CCDC60: variants seen among roughly 807,000 people sequenced by gnomAD.
The protein encoded by CCDC60 is coiled-coil domain containing 60, also known as coiled-coil domain-containing protein 60.
In CCDC60, 54 loss-of-function variants were observed where a neutral mutation model predicts 63.5. The ratio of observed to expected loss-of-function variants is 0.85; its 90% confidence interval spans 0.68 to 1.07. CCDC60 has a LOEUF of 1.07. Among genes scored for constraint, CCDC60 ranks in the 50% least tolerant of loss-of-function variants. The pLI, the probability that CCDC60 is intolerant of heterozygous loss-of-function variation, is 0.00. For synonymous variants in CCDC60, 206 were observed against 238.8 expected (o/e 0.86, Z 1.27); for missense variants, 651 against 684.3 (o/e 0.95, Z 0.54).
chr12:119,533,784 GTTTTGGTAC>G (rs1442642969), intron 13 of CCDC60, among the ~76,000 whole-genome samples: 11 of 152,172 alleles, frequency 7.2e-5, no homozygotes, highest in African/African-American at 2.7e-4. Flanking sequence ...CTATAAGTCT[GTTTTGGTAC>G]CAGTACCATG....
Position 119,335,068 on chromosome 12 carries a change from GATCAGGGAGAAGTTGCCGA to G in CCDC60, c.-107_-89del, listed in dbSNP as rs1955456368. 3 of 805,666 alleles carry G rather than the reference GATCAGGGAGAAGTTGCCGA, an allele frequency of 3.7e-6. No homozygotes were observed. The East Asian group carries it at 7.7e-5, about 21-fold the overall frequency. The allele number at this position is 805,666 out of a possible 1,614,324, so 49.9% of individuals were successfully genotyped here. On this transcript the variant is annotated 5_prime_UTR_variant, in exon 1 of 14. Coordinates refer to ENST00000327554, the MANE Select transcript of CCDC60 (RefSeq NM_178499.5). ...GGAGTTCGTGTAATTGGGACTTGGG[GATCAGGGAGAAGTTGCCGA>G]AACTTCTCATACCAGTAACTACTGA...
At chr12:119,491,335 GT>G (rs1566039379) in intron 5 of CCDC60, among the ~76,000 whole-genome samples, 1 of 151,962 alleles carries the variant, frequency 6.6e-6, no homozygotes, top group Admixed American at 6.6e-5. Flanking sequence ...GTTTGTTTTT[GT>G]TTTTGTTTTT....
chr12:119,336,843 T>C (rs1022386565), intron 1 of CCDC60, among the ~76,000 whole-genome samples: 8 of 152,224 alleles, frequency 5.3e-5, no homozygotes, highest in Non-Finnish European at 1.0e-4. Flanking sequence ...ACTGAATGAC[T>C]GGAGTTAATG....
Position 119,519,465 on chromosome 12 carries a change from A to T in CCDC60, c.969-656A>T, listed in dbSNP as rs12822068. On this transcript the variant is annotated intron_variant, in intron 8 of 13. Coordinates refer to ENST00000327554, the MANE Select transcript of CCDC60 (RefSeq NM_178499.5). Reference sequence around the variant, plus strand: ...TGTGTGTGTGTGTATATATATATATATATTTTTTTTTTTTTTTGACAGAGT... The same window carrying T: ...TGTGTGTGTGTGTATATATATATATTTATTTTTTTTTTTTTTTGACAGAGT... Among the ~76,000 whole-genome samples, 248 of 122,252 alleles carry T rather than the reference A, an allele frequency of 2.0e-3. 1 individual carries two copies. Among genetic ancestry groups the T allele is most frequent in the African/African-American group, 5.7e-3 (166 of 29,290 alleles). 80.2% of individuals were successfully genotyped at this position (122,252 alleles called of 152,430 possible).
rs144740799 is a variant in CCDC60 at position 119,472,023 on chromosome 12, G to T, written c.200G>T (p.Arg67Leu). The T allele has an allele frequency of 1.9e-6, 3 of 1,613,826 alleles. No individual in the cohort carries two copies. The highest frequency in any genetic ancestry group is 3.3e-4 in the Middle Eastern group (2 of 6,062). ...RFLIQSVKIG[R>L]GYFAILREET... Reference sequence around the variant, plus strand: ...TTGATCCAGTCTGTGAAGATAGGCCGTGGATATTTTGCTATTCTGAGGGAA... The same window carrying T: ...TTGATCCAGTCTGTGAAGATAGGCCTTGGATATTTTGCTATTCTGAGGGAA... The change falls in exon 3 of 14, where the codon CGT (arginine) becomes CTT (leucine). Residue 67 changes from arginine to leucine, a missense_variant. Arg to Leu is a moderately radical substitution (Grantham distance 102). Transcript: ENST00000327554.
chr12:119,426,969 A>G (rs1232201249), intron 1 of CCDC60, among the ~76,000 whole-genome samples: 1 of 152,166 alleles, frequency 6.6e-6, no homozygotes, highest in Non-Finnish European at 1.5e-5. Context: ...CTGCAGAGAA[A>G]ACACTTTGCC....
At chr12:119,532,897 T>C (rs563096868) in intron 13 of CCDC60, among the ~76,000 whole-genome samples, 2 of 152,324 alleles carry the variant, frequency 1.3e-5, no homozygotes, top group African/African-American at 4.8e-5. Flanking sequence ...TGTGTCTTTA[T>C]AGTAGAAAGA....
chr12:119,450,868 AAGAGAG>A (rs55677949), intron 2 of CCDC60, among the ~76,000 whole-genome samples: 6 of 141,700 alleles, frequency 4.2e-5, no homozygotes, highest in East Asian at 2.2e-4. Flanking sequence ...AAAAAAAAAA[AAGAGAG>A]AGAGAGAGAG....
At chr12:119,467,760 C>T (rs1950978386) in intron 2 of CCDC60, among the ~76,000 whole-genome samples, 1 of 152,186 alleles carries the variant, frequency 6.6e-6, no homozygotes, top group East Asian at 1.9e-4. Context: ...GTCTCACCTC[C>T]CAGGTTATTT....
chr12:119,498,482 G>A (rs746802819), intron 5 of CCDC60, among the ~76,000 whole-genome samples: 8 of 152,064 alleles, frequency 5.3e-5, no homozygotes, highest in African/African-American at 7.2e-5. Context: ...ACAGGTGTGC[G>A]CCACCACACC....
At chr12:119,486,712 A>ATGGGG (rs1439564634) in intron 4 of CCDC60, among the ~76,000 whole-genome samples, 1 of 152,132 alleles carries the variant, frequency 6.6e-6, no homozygotes, top group Non-Finnish European at 1.5e-5. Flanking sequence ...AGGTGAGGGG[A>ATGGGG]TGGGGTAGGG....
chr12:119,360,877 C>T (rs1449906505), intron 1 of CCDC60, among the ~76,000 whole-genome samples: 1 of 152,198 alleles, frequency 6.6e-6, no homozygotes, highest in Non-Finnish European at 1.5e-5. Context: ...ACTCTGTCTG[C>T]AATCCCGGCA....
At chr12:119,388,009 T>G (rs1406136836) in intron 1 of CCDC60, 1 of 152,244 alleles carries the variant, frequency 6.6e-6, no homozygotes, top group Non-Finnish European at 1.5e-5. Flanking sequence ...AAGGGTTTTA[T>G]TTTCTCATGT....
chr12:119,367,372 G>A lies in CCDC60; in HGVS notation c.90+32106G>A, dbSNP rs1203234373. On this transcript the variant is annotated intron_variant, in intron 1 of 13. Coordinates refer to ENST00000327554, the MANE Select transcript of CCDC60 (RefSeq NM_178499.5). ...AAAAGCCCTCGAGTCTCCTTTTCTT[G>A]TTCCTTCAAAGTCACTCATAGCTTT... 2.0e-5 allele frequency among the ~76,000 whole-genome samples: 3 copies of A among 152,260 alleles called. No homozygotes were observed. The East Asian group carries it at 5.8e-4, about 29-fold the overall frequency.
chr12:119,461,867 G>A (rs903622643), intron 2 of CCDC60, among the ~76,000 whole-genome samples: 26 of 152,136 alleles, frequency 1.7e-4, no homozygotes, highest in African/African-American at 5.1e-4. Flanking sequence ...GGGAACACAC[G>A]GAATTAAATG....
At chr12:119,384,080 C>G (rs1307976970) in intron 1 of CCDC60, among the ~76,000 whole-genome samples, 1 of 151,954 alleles carries the variant, frequency 6.6e-6, no homozygotes, top group Non-Finnish European at 1.5e-5. Flanking sequence ...CCTATAGTTC[C>G]AACTACTTGG....
intron 3 of CCDC60, among the ~76,000 whole-genome samples, chr12:119,476,699 C>T (rs1419396690): frequency 6.6e-6 from 1 of 152,182 alleles, no homozygotes; most frequent in Non-Finnish European, 1.5e-5. Flanking sequence ...AAAGTCTCAG[C>T]AGGGGTTCCA....
At chr12:119,376,555 G>T (rs1416277334) in intron 1 of CCDC60, among the ~76,000 whole-genome samples, 3 of 152,096 alleles carry the variant, frequency 2.0e-5, no homozygotes, top group Admixed American at 2.0e-4. Flanking sequence ...TTGAACCTAG[G>T]AAATGAAGCT....
Position 119,540,510 on chromosome 12 carries a change from A to G in CCDC60, c.1552-104A>G. ...ATGCCCAAATGGTATTCCTGGGGCC[A>G]CCAGTCTCAGTCACAAATCTTCCAG... On this transcript the variant is annotated intron_variant, in intron 13 of 13. Coordinates refer to ENST00000327554, the MANE Select transcript of CCDC60 (RefSeq NM_178499.5). The G allele has an allele frequency of 3.7e-6, 3 of 805,940 alleles. No homozygotes were observed. The South Asian group carries it at 4.6e-5, about 12-fold the overall frequency. 49.9% of individuals were successfully genotyped at this position (805,940 alleles called of 1,614,324 possible).
Sources: allele counts gnomAD v4.1 joint callset (sites outside exome capture counted in the v4.1 genomes callset), GRCh38; gene constraint gnomAD v4.1.1; transcripts MANE v1.5; gene names NCBI Gene and HGNC (gene_info 2026-07-23, HGNC 2026-07-21).